MCPH1: variants seen among roughly 807,000 people sequenced by gnomAD.
MCPH1 encodes the protein microcephalin.
MCPH1 carries 104 observed loss-of-function variants against 84.5 expected under a neutral mutation model. The observed-to-expected ratio is 1.23, with a 90% confidence interval of 1.05 to 1.45. The LOEUF is 1.45. MCPH1 is among the 40% of genes most tolerant of loss of function. The pLI, the probability that MCPH1 is intolerant of heterozygous loss-of-function variation, is 0.00. For missense variants in MCPH1, 1,498 were observed against 1,005.7 expected (o/e 1.49, Z -6.62); for synonymous variants, 514 against 366.8 (o/e 1.40, Z -4.58).
intron 13 of MCPH1, among the ~76,000 whole-genome samples, chr8:6,639,832 A>G (rs895085627): frequency 1.3e-5 from 2 of 152,170 alleles, no homozygotes; most frequent in South Asian, 4.2e-4. Context: ...CAGCTACTTC[A>G]TTCTTTTTAA....
At position 6,633,165 on chromosome 8, in the gene MCPH1, C is replaced by G. The variant is rs1267834573; in HGVS notation, c.2453-9829C>G. Among the ~76,000 whole-genome samples the G allele has an allele frequency of 2.6e-5, 4 of 152,040 alleles. No homozygotes were observed. The South Asian group carries it at 8.3e-4, about 32-fold the overall frequency. On this transcript the variant is annotated intron_variant, in intron 13 of 13. Coordinates refer to ENST00000344683, the MANE Select transcript of MCPH1 (RefSeq NM_024596.5). ...ATCATGTACAAGACACACATGAATG[C>G]TATTACTCTTCAACAGTGTTCTATG...
At chr8:6,621,814 C>A in intron 13 of MCPH1, 123 bp downstream of exon 13, 2 of 1,285,492 alleles carry the variant, frequency 1.6e-6, no homozygotes, top group Non-Finnish European at 2.2e-6. Flanking sequence ...GATGTCTCAG[C>A]CTCCAGCATC....
chr8:6,514,973 T>C (rs550976738), intron 12 of MCPH1, among the ~76,000 whole-genome samples: 2 of 152,290 alleles, frequency 1.3e-5, no homozygotes, highest in East Asian at 3.9e-4. Flanking sequence ...TGGATTAAAA[T>C]GATGGTGAAA....
chr8:6,559,830 C>G (rs1157111956), intron 12 of MCPH1, among the ~76,000 whole-genome samples: 1 of 151,708 alleles, frequency 6.6e-6, no homozygotes, highest in Non-Finnish European at 1.5e-5. Context: ...GTTTGGTCCA[C>G]TGCAGTGTGT....
At chr8:6,469,679 C>G (rs570928145) in intron 9 of MCPH1, among the ~76,000 whole-genome samples, 38 of 152,220 alleles carry the variant, frequency 2.5e-4, no homozygotes, top group African/African-American at 8.9e-4. Flanking sequence ...TAGCTAAACC[C>G]AAAAGATTTC....
intron 13 of MCPH1, 140 bp from the exon 14 acceptor site, chr8:6,642,854 T>G: frequency 2.7e-6 from 2 of 750,002 alleles, no homozygotes; most frequent in Non-Finnish European, 4.7e-6. Context: ...GTGTGCTCTA[T>G]GGACGTGGGG....
chr8:6,458,263 G>C (rs1339245225), intron 9 of MCPH1, among the ~76,000 whole-genome samples: 2 of 152,088 alleles, frequency 1.3e-5, no homozygotes, highest in African/African-American at 4.8e-5. Context: ...ATGAGGTCAG[G>C]AGATCAAGAC....
chr8:6,609,819 G>GCCCC lies in MCPH1; in HGVS notation c.2215-11628_2215-11625dup, dbSNP rs11280683. Among the ~76,000 whole-genome samples, 431 of 103,942 alleles carry GCCCC rather than the reference G, an allele frequency of 4.1e-3. 11 individuals carry two copies. Among genetic ancestry groups the GCCCC allele is most frequent in the African/African-American group, 0.012 (396 of 32,750 alleles). The allele number at this position is 103,942 out of a possible 152,430, so 68.2% of individuals were successfully genotyped here. On this transcript the variant is annotated intron_variant, in intron 12 of 13. Transcript: ENST00000344683. ...TCTCATTATCAAAGCAATGCCCCCC[G>GCCCC]CCCCCCCCCCACACACAGACTGCCA... is the stretch of plus-strand genomic sequence containing the variant.
chr8:6,431,366 T>G lies in MCPH1; in HGVS notation c.234-133T>G, dbSNP rs1393824951. On this transcript the variant is annotated intron_variant, in intron 3 of 13. Transcript: ENST00000344683. ...CTGACTTTTGTATTTGCAGTTGTAT[T>G]TATTTTTTAAAAGTCTGTTAAAATG... 7.2e-6 allele frequency: 5 copies of G among 690,860 alleles called. No individual in the cohort carries two copies. In the African/African-American group the frequency reaches 9.1e-5, roughly 13 times the overall value. 42.8% of individuals were successfully genotyped at this position (690,860 alleles called of 1,614,324 possible).
At chr8:6,492,577 G>C (rs1810745036) in intron 11 of MCPH1, among the ~76,000 whole-genome samples, 2 of 150,190 alleles carry the variant, frequency 1.3e-5, no homozygotes, top group African/African-American at 2.4e-5. Context: ...TTATTGCCAA[G>C]GTTTTCTATG....
intron 12 of MCPH1, among the ~76,000 whole-genome samples, chr8:6,609,558 G>GA (rs1249569151): frequency 2.0e-5 from 3 of 152,190 alleles, no homozygotes; most frequent in Admixed American, 1.3e-4. Context: ...AAGTCAGGGG[G>GA]AAAAAATACA....
intron 12 of MCPH1, among the ~76,000 whole-genome samples, chr8:6,545,158 G>T (rs1031501946): frequency 1.3e-5 from 2 of 152,116 alleles, no homozygotes; most frequent in Admixed American, 1.3e-4. Flanking sequence ...ATAGAAGTCA[G>T]AATAATGTCT....
At chr8:6,501,902 C>G (rs372043345) in intron 12 of MCPH1, 22 of 149,242 alleles carry the variant, frequency 1.5e-4, no homozygotes, top group Admixed American at 2.7e-4. Flanking sequence ...TTATGAACAT[C>G]AGATTTTGTT....
chr8:6,631,348 G>T (rs1797144600), intron 13 of MCPH1, among the ~76,000 whole-genome samples: 1 of 152,082 alleles, frequency 6.6e-6, no homozygotes, highest in African/African-American at 2.4e-5. Flanking sequence ...ACAAATTAAA[G>T]ACTTCAGTGC....
chr8:6,442,675 C>T (rs1446460568), intron 7 of MCPH1, among the ~76,000 whole-genome samples: 1 of 152,188 alleles, frequency 6.6e-6, no homozygotes, highest in African/African-American at 2.4e-5. Flanking sequence ...CCTAGTTCCA[C>T]TTAGGATGGT....
chr8:6,532,236 T>C lies in MCPH1; in HGVS notation c.2214+32307T>C, dbSNP rs1819658508. ...CTTTTCTCCTGTGGTGGTGCTTTCT[T>C]TAGTTTCTCATGCCTTCATTGAGGA... On this transcript the variant is annotated intron_variant, in intron 12 of 13. Transcript: ENST00000344683. The C allele has an allele frequency of 1.1e-5, 16 of 1,411,966 alleles. No individual in the cohort carries two copies. In the South Asian group the frequency reaches 2.0e-4, roughly 18 times the overall value. 87.5% of individuals were successfully genotyped at this position (1,411,966 alleles called of 1,614,324 possible).
intron 12 of MCPH1, among the ~76,000 whole-genome samples, chr8:6,519,415 A>G (rs1207680455): frequency 1.3e-5 from 2 of 152,214 alleles, no homozygotes; most frequent in African/African-American, 4.8e-5. Context: ...CACACAAAAA[A>G]GAAAGGAACA....
chr8:6,636,829 A>G (rs1186228324), intron 13 of MCPH1, among the ~76,000 whole-genome samples: 2 of 152,230 alleles, frequency 1.3e-5, no homozygotes, highest in African/African-American at 4.8e-5. Context: ...GGAATTCAAA[A>G]CATTTCTGGT....
In MCPH1 at chr8:6,639,299, C is replaced by CTGGAG. The variant is rs1238133489; in HGVS notation, c.2453-3695_2453-3694insTGGAG. 2.0e-5 allele frequency among the ~76,000 whole-genome samples: 3 copies of CTGGAG among 152,276 alleles called. No homozygotes were observed. The East Asian group carries it at 5.8e-4, about 29-fold the overall frequency. Reference sequence around the variant, plus strand: ...TACACAGGGTCCTCCAGTCTTACAACCCTTCCTTAACTACAATAAAGATAG... The same window carrying CTGGAG: ...TACACAGGGTCCTCCAGTCTTACAACTGGAGCCTTCCTTAACTACAATAAAGATAG... On this transcript the variant is annotated intron_variant, in intron 13 of 13. Coordinates refer to ENST00000344683, the MANE Select transcript of MCPH1 (RefSeq NM_024596.5).
Sources: allele counts gnomAD v4.1 joint callset (sites outside exome capture counted in the v4.1 genomes callset), GRCh38; gene constraint gnomAD v4.1.1; transcripts MANE v1.5; gene names NCBI Gene and HGNC (gene_info 2026-07-23, HGNC 2026-07-21).